The following TTC29 variants were observed in gnomAD, a reference collection of about 807,000 sequenced individuals.
TTC29 encodes the protein tetratricopeptide repeat domain 29, also known as tetratricopeptide repeat protein 29.
TTC29 carries 49 observed loss-of-function variants against 58.1 expected under a neutral mutation model. That is an observed-to-expected ratio of 0.84 (90% CI 0.67 to 1.07). TTC29 has a LOEUF of 1.07. Ranked by LOEUF, TTC29 falls within the 50% of genes least tolerant of loss-of-function variation. The probability of loss-of-function intolerance (pLI) is 0.00; values close to 1 mark genes in which losing one functional copy is unlikely to be tolerated. For missense variants in TTC29, 582 were observed against 555.6 expected (o/e 1.05, Z -0.48); for synonymous variants, 209 against 196.8 (o/e 1.06, Z -0.52).
At chr4:146,923,843 G>A (rs970589371) in intron 4 of TTC29, among the ~76,000 whole-genome samples, 2 of 151,598 alleles carry the variant, frequency 1.3e-5, no homozygotes, top group Non-Finnish European at 1.5e-5. Context: ...GGAACAAAAG[G>A]GACTGTCTGC....
At chr4:146,749,704 A>G (rs1008383249) in intron 11 of TTC29, among the ~76,000 whole-genome samples, 3 of 152,212 alleles carry the variant, frequency 2.0e-5, no homozygotes, top group African/African-American at 4.8e-5. Context: ...AATGTTCTCA[A>G]GTAGATTCAA....
chr4:146,714,976 G>A (rs2149996616), intron 11 of TTC29, among the ~76,000 whole-genome samples: 1 of 152,038 alleles, frequency 6.6e-6, no homozygotes, highest in Middle Eastern at 3.4e-3. Flanking sequence ...GGGACTACAG[G>A]CGTATGCCAC....
Position 146,903,782 on chromosome 4 carries a change from C to T in TTC29, c.401-53G>A. On this transcript the variant is annotated intron_variant, in intron 5 of 12. Coordinates refer to ENST00000325106, the MANE Select transcript of TTC29 (RefSeq NM_031956.4). ...GGCATTAGAAAGATGTCTCATGGCACACCCTTTAGAACGGCAAACCAATAT... is the reference window on the plus strand; with the variant it reads ...GGCATTAGAAAGATGTCTCATGGCATACCCTTTAGAACGGCAAACCAATAT... 4.5e-6 allele frequency: 6 copies of T among 1,348,058 alleles called. No individual in the cohort carries two copies. In the South Asian group the frequency reaches 5.4e-5, roughly 12 times the overall value. The allele number at this position is 1,348,058 out of a possible 1,614,324, so 83.5% of individuals were successfully genotyped here. A position where few individuals can be genotyped will look rare whatever the true frequency, so the allele number is the denominator to read the frequency against.
intron 11 of TTC29, among the ~76,000 whole-genome samples, chr4:146,801,511 A>T (rs1466853073): frequency 6.6e-6 from 1 of 152,182 alleles, no homozygotes; most frequent in Admixed American, 6.5e-5. Flanking sequence ...AGCATTCTGA[A>T]CAACTTAATC....
chr4:146,791,088 T>C (rs1441332255), intron 11 of TTC29, among the ~76,000 whole-genome samples: 4 of 152,248 alleles, frequency 2.6e-5, no homozygotes. Flanking sequence ...GGTTGAATTA[T>C]ATTCTCGACT....
At chr4:146,799,905 T>C (rs1322007019) in intron 11 of TTC29, among the ~76,000 whole-genome samples, 1 of 152,188 alleles carries the variant, frequency 6.6e-6, no homozygotes, top group Non-Finnish European at 1.5e-5. Flanking sequence ...AATGAGCCTT[T>C]CATTTAAAAA....
intron 10 of TTC29, among the ~76,000 whole-genome samples, chr4:146,805,373 G>A (rs930741044): frequency 2.6e-5 from 4 of 152,010 alleles, no homozygotes; most frequent in African/African-American, 7.2e-5. Flanking sequence ...AACAAAACTG[G>A]ATGGAAAATG....
intron 11 of TTC29, among the ~76,000 whole-genome samples, chr4:146,792,509 T>A (rs747079194): frequency 4.6e-5 from 7 of 152,148 alleles, no homozygotes; most frequent in Non-Finnish European, 8.8e-5. Context: ...AAGATTGCTC[T>A]GATAGAAATG....
rs1311876074 is a variant in TTC29, at chr4:146,728,802, T to TAC, written c.1331-21253_1331-21252dup. On this transcript the variant is annotated intron_variant, in intron 11 of 12. Transcript: ENST00000325106. Reference sequence around the variant, plus strand: ...ATATATGTGTATATATACGTATATATACACATATATATGTGTATATATACA... The same window carrying TAC: ...ATATATGTGTATATATACGTATATATACACACATATATATGTGTATATATACA... 4.5e-4 allele frequency among the ~76,000 whole-genome samples: 56 copies of TAC among 125,522 alleles called. 2 individuals carry two copies. The highest frequency in any genetic ancestry group is 8.0e-4 in the Admixed American group (10 of 12,490). The allele number at this position is 125,522 out of a possible 152,430, so 82.3% of individuals were successfully genotyped here.
At chr4:146,874,559 C>T (rs946644097) in intron 7 of TTC29, among the ~76,000 whole-genome samples, 157 bp downstream of exon 7, 1 of 152,098 alleles carries the variant, frequency 6.6e-6, no homozygotes, top group Non-Finnish European at 1.5e-5. Flanking sequence ...AAGGCACCTT[C>T]GTTTTACAGT....
intron 11 of TTC29, among the ~76,000 whole-genome samples, chr4:146,760,484 G>C (rs1746800766): frequency 6.6e-6 from 1 of 151,566 alleles, no homozygotes; most frequent in Non-Finnish European, 1.5e-5. Flanking sequence ...GCCAAACCAA[G>C]AGTAAGCAAA....
At chr4:146,872,768 C>T (rs79673027) in intron 7 of TTC29, among the ~76,000 whole-genome samples, 3,218 of 152,122 alleles carry the variant, frequency 0.021, 126 homozygotes, top group African/African-American at 0.072. Context: ...TAAACTTAAA[C>T]CCTCACATAA....
intron 11 of TTC29, among the ~76,000 whole-genome samples, chr4:146,758,283 A>C (rs1295620201): frequency 1.3e-5 from 2 of 152,168 alleles, no homozygotes; most frequent in Non-Finnish European, 2.9e-5. Flanking sequence ...TCCAACAGGA[A>C]TATATCACAA....
At chr4:146,904,743 C>G (rs1733408493) in intron 5 of TTC29, among the ~76,000 whole-genome samples, 2 of 152,050 alleles carry the variant, frequency 1.3e-5, no homozygotes, top group South Asian at 4.1e-4. Flanking sequence ...TCACTACTAC[C>G]AGAGGAGTCA....
At chr4:146,903,512 T>C (rs1348171938) in intron 6 of TTC29, 32 bp downstream of exon 6, 3 of 1,572,396 alleles carry the variant, frequency 1.9e-6, no homozygotes, top group African/African-American at 1.4e-5. Flanking sequence ...CACCAAAACA[T>C]ACCCAAGGCA....
intron 11 of TTC29, among the ~76,000 whole-genome samples, chr4:146,762,981 C>A (rs953918399): frequency 2.6e-5 from 4 of 152,002 alleles, no homozygotes; most frequent in African/African-American, 9.7e-5. Flanking sequence ...TTCCCTAGGG[C>A]GGAAGTTTTC....
chr4:146,738,263 G>T (rs920402972), intron 11 of TTC29, among the ~76,000 whole-genome samples: 4 of 152,120 alleles, frequency 2.6e-5, no homozygotes, highest in East Asian at 1.9e-4. Flanking sequence ...TGGATAAATG[G>T]GTTATAAATG....
chr4:146,937,229 T>C (rs1388576788), intron 4 of TTC29, among the ~76,000 whole-genome samples: 2 of 152,058 alleles, frequency 1.3e-5, no homozygotes, highest in Non-Finnish European at 2.9e-5. Context: ...GGTGTTTCTT[T>C]TTCTTTAATC....
At chr4:146,728,800 TATACAC>T (rs1744034065) in intron 11 of TTC29, among the ~76,000 whole-genome samples, 1 of 130,958 alleles carries the variant, frequency 7.6e-6, no homozygotes, top group Non-Finnish European at 1.7e-5. Context: ...TATACGTATA[TATACAC>T]ATATATATGT....
Sources: gnomAD v4.1 joint callset for allele counts (sites outside exome capture counted in the v4.1 genomes callset) on GRCh38, gnomAD v4.1.1 for gene constraint, MANE v1.5 for transcripts, NCBI Gene and HGNC (gene_info 2026-07-23, HGNC 2026-07-21) for gene names.